UBE2Q2: variants seen among roughly 807,000 people sequenced by gnomAD.
The protein encoded by UBE2Q2 is ubiquitin-conjugating enzyme E2 Q2.
UBE2Q2 carries 54 observed loss-of-function variants against 59.9 expected under a neutral mutation model. The ratio of observed to expected loss-of-function variants is 0.90; its 90% CI spans 0.72 to 1.13. The LOEUF is 1.13. Ranked by LOEUF, UBE2Q2 falls within the 50% of genes most tolerant of loss-of-function variation. UBE2Q2 has a pLI of 0.00. For missense variants in UBE2Q2, 433 were observed against 441.9 expected (o/e 0.98, Z 0.18); for synonymous variants, 165 against 155.2 (o/e 1.06, Z -0.47).
Position 75,890,998 on chromosome 15 carries a change from A to G in UBE2Q2, c.1013A>G (p.Gln338Arg). 1 of 1,611,962 alleles carries G rather than the reference A, an allele frequency of 6.2e-7. No homozygotes were observed. Among genetic ancestry groups the G allele is most frequent in the Non-Finnish European group, 8.5e-7 (1 of 1,179,724 alleles). Residue 338 changes from glutamine (Q) to arginine (R), a missense_variant, in exon 11 of 13, where the codon CAG (glutamine) becomes CGG (arginine). Physicochemically the swap from Gln to Arg is conservative, Grantham distance 43. Coordinates refer to ENST00000267938, the MANE Select transcript of UBE2Q2 (RefSeq NM_173469.4). ...ATLVKGKARV[Q>R]FGANKNQYNL... ...TTAGTCAAAGGCAAAGCCAGAGTGC[A>G]GTTTGGAGCAAATAAGGTACTTCTG...
chr15:75,864,233 A>G (rs1897337322), intron 3 of UBE2Q2, among the ~76,000 whole-genome samples: 1 of 152,044 alleles, frequency 6.6e-6, no homozygotes, highest in African/African-American at 2.4e-5. Context: ...GGTGACTTGG[A>G]AAGCTTTACA....
intron 5 of UBE2Q2, among the ~76,000 whole-genome samples, chr15:75,874,411 G>A (rs1192707225): frequency 6.6e-6 from 1 of 151,484 alleles, no homozygotes; most frequent in Non-Finnish European, 1.5e-5. Context: ...ACCCTCCTGT[G>A]CAGCTGGGAT....
chr15:75,849,841 T>C (rs2141537431), intron 1 of UBE2Q2, among the ~76,000 whole-genome samples: 1 of 152,332 alleles, frequency 6.6e-6, no homozygotes, highest in East Asian at 1.9e-4. Flanking sequence ...ACTTAAACAT[T>C]CTATGTACGG....
chr15:75,874,248 C>G (rs559904927), intron 5 of UBE2Q2, among the ~76,000 whole-genome samples: 1 of 152,124 alleles, frequency 6.6e-6, no homozygotes, highest in South Asian at 2.1e-4. Flanking sequence ...CCTGCTCTGA[C>G]CCAACCAAAA....
In UBE2Q2 at chr15:75,896,988, C is replaced by T. The variant is rs936794297; in HGVS notation, c.1030-7C>T. 1.3e-6 allele frequency: 2 copies of T among 1,538,268 alleles called. No homozygotes were observed. Among genetic ancestry groups the T allele is most frequent in the African/African-American group, 1.4e-5 (1 of 72,392 alleles). ...CTTTTGATTTAAAATGTGTAATTCT[C>T]TTTCAGAATCAATATAATCTAGCAA... On this transcript the variant is annotated splice_region_variant and splice_polypyrimidine_tract_variant and intron_variant, in intron 11 of 12. Coordinates refer to ENST00000267938, the MANE Select transcript of UBE2Q2 (RefSeq NM_173469.4).
chr15:75,844,132 G>C (rs1461753368), intron 1 of UBE2Q2: 2 of 1,413,498 alleles, frequency 1.4e-6, no homozygotes, highest in Admixed American at 3.0e-5. Flanking sequence ...GGGAGTCCGC[G>C]GCGGCCCAAG....
intron 1 of UBE2Q2, among the ~76,000 whole-genome samples, chr15:75,846,631 A>G (rs537280283): frequency 5.0e-4 from 76 of 152,314 alleles, no homozygotes; most frequent in African/African-American, 1.8e-3. Flanking sequence ...TTGGATTTCA[A>G]ATGATTTGGT....
At chr15:75,860,073 T>C in intron 3 of UBE2Q2, 91 bp downstream of exon 3, 1 of 914,380 alleles carries the variant, frequency 1.1e-6, no homozygotes, top group Non-Finnish European at 1.7e-6. Flanking sequence ...ATTGTTCAAC[T>C]TATTTAGAAG....
At chr15:75,853,086 A>G (rs1896712037) in intron 1 of UBE2Q2, among the ~76,000 whole-genome samples, 1 of 152,258 alleles carries the variant, frequency 6.6e-6, no homozygotes, top group African/African-American at 2.4e-5. Flanking sequence ...AGAAAATCAT[A>G]CAAAGTAACA....
At chr15:75,862,955 C>T (rs534403408) in intron 3 of UBE2Q2, among the ~76,000 whole-genome samples, 46 of 151,872 alleles carry the variant, frequency 3.0e-4, no homozygotes, top group African/African-American at 1.1e-3. Context: ...CTGGTGCAAT[C>T]ATAAATGATG....
At chr15:75,864,650 C>T (rs1486363261) in intron 3 of UBE2Q2, among the ~76,000 whole-genome samples, 1 of 149,534 alleles carries the variant, frequency 6.7e-6, no homozygotes, top group Non-Finnish European at 1.5e-5. Context: ...TACTTCTAAG[C>T]TGTTGCATCA....
chr15:75,848,386 G>C (rs1896465944), intron 1 of UBE2Q2, among the ~76,000 whole-genome samples: 1 of 152,174 alleles, frequency 6.6e-6, no homozygotes, highest in Non-Finnish European at 1.5e-5. Context: ...TTTCTCTTTG[G>C]TTTGCCCTCC....
intron 2 of UBE2Q2, among the ~76,000 whole-genome samples, chr15:75,855,082 A>T (rs1354114963): frequency 6.6e-6 from 1 of 152,210 alleles, no homozygotes; most frequent in African/African-American, 2.4e-5. Context: ...CACTGTTGAC[A>T]TGATGGTTAT....
intron 6 of UBE2Q2, among the ~76,000 whole-genome samples, chr15:75,876,640 TC>T (rs1048870385): frequency 2.6e-5 from 4 of 151,900 alleles, no homozygotes; most frequent in East Asian, 3.9e-4. Context: ...TTTTTATGAT[TC>T]CCCCCCATTT....
At chr15:75,880,715 G>A (rs1339565322) in intron 8 of UBE2Q2, among the ~76,000 whole-genome samples, 1 of 151,908 alleles carries the variant, frequency 6.6e-6, no homozygotes, top group African/African-American at 2.4e-5. Context: ...TGGCCAGGCT[G>A]GTTTTGAACT....
intron 8 of UBE2Q2, among the ~76,000 whole-genome samples, chr15:75,879,676 G>A (rs1030628608): frequency 1.3e-5 from 2 of 152,160 alleles, no homozygotes; most frequent in African/African-American, 4.8e-5. Flanking sequence ...ATGGTCTGCT[G>A]CCCTCCAAAG....
Position 75,883,484 on chromosome 15 carries a change from T to A in UBE2Q2, c.884+60T>A, listed in dbSNP as rs1378603155. The A allele has an allele frequency of 3.0e-6, 4 of 1,323,566 alleles. No homozygotes were observed. In the East Asian group the frequency reaches 9.5e-5, roughly 32 times the overall value. 82.0% of individuals were successfully genotyped at this position (1,323,566 alleles called of 1,614,324 possible). A position where few individuals can be genotyped will look rare whatever the true frequency, so the allele number is the denominator to read the frequency against. On this transcript the variant is annotated intron_variant, in intron 9 of 12. Transcript: ENST00000267938. ...TTCAGTTAAAAAAAATTTTTTTTTATAGGGACGAGATCTCACTATGTTGCC... is the reference window on the plus strand; with the variant it reads ...TTCAGTTAAAAAAAATTTTTTTTTAAAGGGACGAGATCTCACTATGTTGCC...
intron 1 of UBE2Q2, among the ~76,000 whole-genome samples, chr15:75,845,339 A>C (rs1337361913): frequency 6.6e-6 from 1 of 152,174 alleles, no homozygotes; most frequent in Non-Finnish European, 1.5e-5. Flanking sequence ...AGAAGTAGAA[A>C]ATTTATGCTA....
At chr15:75,853,155 G>T (rs1896714803) in intron 1 of UBE2Q2, among the ~76,000 whole-genome samples, 1 of 152,156 alleles carries the variant, frequency 6.6e-6, no homozygotes, top group East Asian at 1.9e-4. Flanking sequence ...GCTTTTTAAA[G>T]AAATCACATG....
Sources: gnomAD v4.1 joint callset for allele counts (sites outside exome capture counted in the v4.1 genomes callset) on GRCh38, gnomAD v4.1.1 for gene constraint, MANE v1.5 for transcripts, NCBI Gene and HGNC (gene_info 2026-07-23, HGNC 2026-07-21) for gene names.